The following ELP2 variants were observed in gnomAD, a reference collection of about 807,000 sequenced individuals.
ELP2 encodes elongator acetyltransferase complex subunit 2.
ELP2 carries 90 observed loss-of-function variants against 119.2 expected under a neutral mutation model. That is an observed-to-expected ratio of 0.75 (90% CI 0.64 to 0.90). The LOEUF (loss-of-function observed/expected upper bound fraction) is 0.90. Among genes scored for constraint, ELP2 ranks in the 40% least tolerant of loss-of-function variants. The pLI, the probability that ELP2 is intolerant of heterozygous loss-of-function variation, is 0.00. For synonymous variants in ELP2, 339 were observed against 331.0 expected (o/e 1.02, Z -0.26); for missense variants, 921 against 967.8 (o/e 0.95, Z 0.64).
chr18:36,169,578 G>A (rs896297409), intron 19 of ELP2, among the ~76,000 whole-genome samples: 1 of 152,012 alleles, frequency 6.6e-6, no homozygotes, highest in Admixed American at 6.6e-5. Context: ...AGTAGAGACG[G>A]GGTTTCACTA....
intron 6 of ELP2, 182 bp downstream of exon 6, chr18:36,141,383 T>A (rs1190139755): frequency 3.3e-6 from 2 of 612,468 alleles, no homozygotes; most frequent in Non-Finnish European, 5.9e-6. Flanking sequence ...AAGTAACCGC[T>A]GCCTTGACCA....
intron 21 of ELP2, among the ~76,000 whole-genome samples, chr18:36,172,257 T>G (rs1422542789): frequency 6.6e-6 from 1 of 152,146 alleles, no homozygotes; most frequent in African/African-American, 2.4e-5. Flanking sequence ...AGTGAGAGCC[T>G]GTCCCCCCCA....
intron 11 of ELP2, among the ~76,000 whole-genome samples, chr18:36,152,470 T>C (rs1259143169): frequency 6.6e-6 from 1 of 152,172 alleles, no homozygotes; most frequent in East Asian, 1.9e-4. Flanking sequence ...CCCTTAACCA[T>C]AGCATTTACT....
intron 19 of ELP2, among the ~76,000 whole-genome samples, chr18:36,169,677 C>T (rs2186982): frequency 0.082 from 12,471 of 152,258 alleles, 620 homozygotes; most frequent in East Asian, 0.14. Flanking sequence ...CATGAGCCAC[C>T]GCGCCCAGCC....
chr18:36,139,963 C>T (rs2089964914), intron 5 of ELP2, among the ~76,000 whole-genome samples: 2 of 151,738 alleles, frequency 1.3e-5, no homozygotes, highest in African/African-American at 2.4e-5. Flanking sequence ...ATTTTCCCAC[C>T]TCAGCCAAGT....
chr18:36,167,625 T>C (rs897095753), intron 19 of ELP2, among the ~76,000 whole-genome samples: 6 of 152,226 alleles, frequency 3.9e-5, no homozygotes, highest in African/African-American at 1.4e-4. Flanking sequence ...ACCTTTTCAT[T>C]TGGTGCTAGA....
At chr18:36,136,880 G>A (rs1885695495) in intron 3 of ELP2, among the ~76,000 whole-genome samples, 1 of 152,076 alleles carries the variant, frequency 6.6e-6, no homozygotes, top group African/African-American at 2.4e-5. Flanking sequence ...AGATTTACAA[G>A]ACTCTTCTCA....
chr18:36,164,502 A>G lies in ELP2; in HGVS notation c.1789A>G (p.Ile597Val), dbSNP rs73428967. Residue 597 changes from isoleucine to valine, a missense_variant, in exon 18 of 22, where the codon ATT (isoleucine) becomes GTT (valine). Ile to Val is a conservative substitution (Grantham distance 29). Transcript: ENST00000358232. ...AGCTAAGAAAGAGCATGCAGCTATC[A>G]TTCTTTGGAACACTACATCTTGGAA... ...KAAKKEHAAI[I>V]LWNTTSWKQV... is the part of the protein sequence containing the mutation. 829 of 1,614,104 alleles carry G rather than the reference A, an allele frequency of 5.1e-4. 1 individual carries two copies. In the African/African-American group the frequency reaches 9.8e-3, roughly 19 times the overall value.
At chr18:36,167,344 CCTTT>C (rs2144794170) in intron 19 of ELP2, 122 bp downstream of exon 19, 1 of 723,108 alleles carries the variant, frequency 1.4e-6, no homozygotes. Context: ...GCTATGTATT[CCTTT>C]CTGTTTTTCG....
chr18:36,143,381 C>G (rs567353074), intron 8 of ELP2, among the ~76,000 whole-genome samples: 141 of 151,486 alleles, frequency 9.3e-4, no homozygotes, highest in African/African-American at 2.8e-3. Flanking sequence ...CTCGGCCTCC[C>G]AAAGTGCTGG....
At chr18:36,138,154 T>A in intron 3 of ELP2, 116 bp from the exon 4 acceptor site, 1 of 1,023,066 alleles carries the variant, frequency 9.8e-7, no homozygotes, top group Non-Finnish European at 1.4e-6. Flanking sequence ...AAAAATTCTT[T>A]TCAACTTAGA....
Position 36,175,804 on chromosome 18 carries a change from A to G in ELP2, c.*1163A>G, listed in dbSNP as rs1459191468. The G allele has an allele frequency of 6.6e-6, 1 of 152,160 alleles. No homozygotes were observed. Among genetic ancestry groups the G allele is most frequent in the Admixed American group, 6.5e-5 (1 of 15,268 alleles). The allele number at this position is 152,160 out of a possible 1,614,324, so 9.4% of individuals were successfully genotyped here. ...GGGACTACTCCAGCCCTGTTGGAAC[A>G]TAGAGCCATTTGGCAGATTGACAAT... On this transcript the variant is annotated 3_prime_UTR_variant, in exon 22 of 22. Coordinates refer to ENST00000358232, the MANE Select transcript of ELP2 (RefSeq NM_018255.4).
intron 1 of ELP2, among the ~76,000 whole-genome samples, chr18:36,132,715 C>T (rs1490385613): frequency 6.6e-6 from 1 of 152,154 alleles, no homozygotes; most frequent in East Asian, 1.9e-4. Context: ...GGCCTTGTGA[C>T]ATTGTGCCAC....
chr18:36,166,803 T>A (rs1287185754), intron 18 of ELP2: 1 of 213,204 alleles, frequency 4.7e-6, no homozygotes, highest in African/African-American at 2.3e-5. Flanking sequence ...TAAGGCTAAA[T>A]AGCTTCAGGC....
intron 1 of ELP2, 105 bp downstream of exon 1, chr18:36,130,176 C>G: frequency 6.7e-7 from 1 of 1,494,410 alleles, no homozygotes; most frequent in Non-Finnish European, 9.2e-7. Context: ...GGAGGCGAGT[C>G]GGGTCGGCTC....
Position 36,143,059 on chromosome 18 carries a change from T to C in ELP2, c.796+93T>C. The stretch of plus-strand genomic sequence containing the variant: ...CCACCCACCTATGTGAAGGATAGTT[T>C]TTCACAATTGTCAGATTCCTACCTG... On this transcript the variant is annotated intron_variant, in intron 8 of 21. Transcript: ENST00000358232. 2.3e-6 allele frequency: 2 copies of C among 881,736 alleles called. 1 individual carries two copies. Among genetic ancestry groups the C allele is most frequent in the South Asian group, 3.2e-5 (2 of 62,738 alleles). The allele number at this position is 881,736 out of a possible 1,614,324, so 54.6% of individuals were successfully genotyped here.
chr18:36,144,092 G>A (rs2090125244), intron 8 of ELP2, among the ~76,000 whole-genome samples: 1 of 151,996 alleles, frequency 6.6e-6, no homozygotes, highest in Non-Finnish European at 1.5e-5. Flanking sequence ...GTTCACCTAG[G>A]TGTATTCTGT....
chr18:36,137,176 A>G (rs960661488), intron 3 of ELP2: 3 of 151,988 alleles, frequency 2.0e-5, no homozygotes, highest in African/African-American at 7.3e-5. Flanking sequence ...GATTTTTTAA[A>G]CCTTTTTGAG....
Position 36,151,768 on chromosome 18 carries a change from G to T in ELP2, c.1126-3082G>T, listed in dbSNP as rs1384240536. Among the ~76,000 whole-genome samples the T allele has an allele frequency of 5.5e-4, 74 of 135,636 alleles. 1 individual carries two copies. The highest frequency in any genetic ancestry group is 2.0e-3 in the African/African-American group (70 of 35,190). 89.0% of individuals were successfully genotyped at this position (135,636 alleles called of 152,430 possible). A position where few individuals can be genotyped will look rare whatever the true frequency, so the allele number is the denominator to read the frequency against. ...TTTTTTTTTTTTTTTTTTTTTTTGAGGTGGAGTTTCGCTCTTGTTGCCCAG... is the reference window on the plus strand; with the variant it reads ...TTTTTTTTTTTTTTTTTTTTTTTGATGTGGAGTTTCGCTCTTGTTGCCCAG... On this transcript the variant is annotated intron_variant, in intron 11 of 21. Coordinates refer to ENST00000358232, the MANE Select transcript of ELP2 (RefSeq NM_018255.4).
Sources: allele counts gnomAD v4.1 joint callset (sites outside exome capture counted in the v4.1 genomes callset), GRCh38; gene constraint gnomAD v4.1.1; transcripts MANE v1.5; gene names NCBI Gene and HGNC (gene_info 2026-07-23, HGNC 2026-07-21).